The following SMAP1 variants were observed in gnomAD, a reference collection of about 807,000 sequenced individuals.
SMAP1 encodes the protein small ArfGAP 1.
A neutral mutation model predicts 58.5 loss-of-function variants in SMAP1; 24 were observed. That is an observed-to-expected ratio of 0.41 (90% CI 0.30 to 0.58). The LOEUF (loss-of-function observed/expected upper bound fraction) is 0.58. Among genes scored for constraint, SMAP1 ranks in the 20% least tolerant of loss-of-function variants. The probability of loss-of-function intolerance (pLI) is 0.29; values close to 1 mark genes in which losing one functional copy is unlikely to be tolerated. For missense variants in SMAP1, 563 were observed against 566.3 expected (o/e 0.99, Z 0.06); for synonymous variants, 216 against 196.6 (o/e 1.10, Z -0.82).
At chr6:70,760,093 T>G (rs758897353) in intron 3 of SMAP1, among the ~76,000 whole-genome samples, 3 of 152,100 alleles carry the variant, frequency 2.0e-5, no homozygotes, top group Non-Finnish European at 4.4e-5. Context: ...ATGATGGTAG[T>G]CTGAGTAAAA....
chr6:70,804,197 G>T (rs759116245), intron 6 of SMAP1, among the ~76,000 whole-genome samples: 11 of 152,126 alleles, frequency 7.2e-5, no homozygotes, highest in Non-Finnish European at 1.0e-4. Flanking sequence ...ATATATTTAG[G>T]ATAGTTAGCT....
chr6:70,670,429 G>A (rs1443253396), intron 1 of SMAP1, among the ~76,000 whole-genome samples: 1 of 152,130 alleles, frequency 6.6e-6, no homozygotes, highest in African/African-American at 2.4e-5. Context: ...ACATGATAGA[G>A]CAATTGATGT....
At chr6:70,790,037 C>G (rs939033320) in intron 4 of SMAP1, among the ~76,000 whole-genome samples, 3 of 152,154 alleles carry the variant, frequency 2.0e-5, no homozygotes, top group Admixed American at 6.5e-5. Flanking sequence ...TACTCAATGC[C>G]CGTATTATCC....
chr6:70,695,291 T>C (rs1767354937), intron 1 of SMAP1, among the ~76,000 whole-genome samples: 1 of 152,228 alleles, frequency 6.6e-6, no homozygotes, highest in South Asian at 2.1e-4. Context: ...GTCTGATTGC[T>C]CTAGCTAGAC....
chr6:70,758,491 G>A (rs1177875728), intron 3 of SMAP1, among the ~76,000 whole-genome samples: 1 of 151,696 alleles, frequency 6.6e-6, no homozygotes, highest in African/African-American at 2.4e-5. Flanking sequence ...TGCACATTGT[G>A]CACATGTACC....
At chr6:70,721,897 C>T (rs1207987758) in intron 1 of SMAP1, among the ~76,000 whole-genome samples, 1 of 152,182 alleles carries the variant, frequency 6.6e-6, no homozygotes, top group Non-Finnish European at 1.5e-5. Flanking sequence ...ATTCAATTAC[C>T]TTGCCCCGGA....
At chr6:70,795,477 C>T (rs967897898) in intron 5 of SMAP1, among the ~76,000 whole-genome samples, 2 of 152,166 alleles carry the variant, frequency 1.3e-5, no homozygotes, top group Admixed American at 6.5e-5. Context: ...GTTCATAAAA[C>T]GATACATCTT....
intron 7 of SMAP1, among the ~76,000 whole-genome samples, chr6:70,841,902 C>T (rs535741814): frequency 6.6e-6 from 1 of 152,274 alleles, no homozygotes; most frequent in Admixed American, 6.5e-5. Flanking sequence ...ACCTTTCAAA[C>T]AGAAGATTCC....
At chr6:70,806,551 C>T (rs943243657) in intron 6 of SMAP1, among the ~76,000 whole-genome samples, 3 of 152,146 alleles carry the variant, frequency 2.0e-5, no homozygotes, top group Non-Finnish European at 2.9e-5. Context: ...CCAGGTACCT[C>T]AGTTGGAAAT....
At chr6:70,735,016 T>G (rs559403697) in intron 2 of SMAP1, 1 of 153,032 alleles carries the variant, frequency 6.5e-6, no homozygotes, top group African/African-American at 2.4e-5. Context: ...TACTGGTGAG[T>G]GTCTGGAAGT....
At position 70,855,050 on chromosome 6, in the gene SMAP1, TCATATACATATACATATA is replaced by T. The variant is rs369822474; in HGVS notation, c.790-1765_790-1748del. Among the ~76,000 whole-genome samples the T allele has an allele frequency of 8.2e-4, 102 of 124,426 alleles. 1 individual carries two copies. The highest frequency in any genetic ancestry group is 7.7e-3 in the East Asian group (32 of 4,144). 81.6% of individuals were successfully genotyped at this position (124,426 alleles called of 152,430 possible). A position where few individuals can be genotyped will look rare whatever the true frequency, so the allele number is the denominator to read the frequency against. ...ATGGAGAAACCCCTTTCCTGTTCTT[TCATATACATATACATATA>T]CATATACATATACATATACATATAC... On this transcript the variant is annotated intron_variant, in intron 8 of 10. Coordinates refer to ENST00000370455, the MANE Select transcript of SMAP1 (RefSeq NM_001044305.3).
chr6:70,717,362 G>A (rs1387371479), intron 1 of SMAP1, among the ~76,000 whole-genome samples: 1 of 152,146 alleles, frequency 6.6e-6, no homozygotes, highest in African/African-American at 2.4e-5. Flanking sequence ...TTGCTCTTAG[G>A]GCTAGGTGAT....
intron 3 of SMAP1, 94 bp from the exon 4 acceptor site, chr6:70,773,256 T>C: frequency 1.4e-6 from 1 of 708,946 alleles, no homozygotes. Context: ...GTAGGAAAAT[T>C]AAATTTAGAG....
chr6:70,685,957 G>GT (rs758011670), intron 1 of SMAP1, among the ~76,000 whole-genome samples: 18 of 152,156 alleles, frequency 1.2e-4, no homozygotes, highest in Non-Finnish European at 2.1e-4. Context: ...CCAGGCTGGA[G>GT]TGTAGTGGCA....
At chr6:70,688,968 A>G (rs1303714436) in intron 1 of SMAP1, among the ~76,000 whole-genome samples, 1 of 151,782 alleles carries the variant, frequency 6.6e-6, no homozygotes, top group Non-Finnish European at 1.5e-5. Context: ...CAAGGTATGG[A>G]TCAAAGTTTT....
chr6:70,729,475 GTGTGTGTGTGTGTGTGTGTA>G (rs1765336229), intron 1 of SMAP1, among the ~76,000 whole-genome samples: 1 of 150,546 alleles, frequency 6.6e-6, no homozygotes, highest in South Asian at 2.1e-4. Flanking sequence ...GTGTGTGTGT[GTGTGTGTGTGTGTGTGTGTA>G]TGTGTGTATG....
At chr6:70,771,597 C>T (rs140623447) in intron 3 of SMAP1, among the ~76,000 whole-genome samples, 3,573 of 152,262 alleles carry the variant, frequency 0.023, 52 homozygotes, top group Non-Finnish European at 0.037. Flanking sequence ...TTTTTAAGCC[C>T]GTCGGAAAAG....
At chr6:70,791,150 T>C (rs1020771744) in intron 4 of SMAP1, among the ~76,000 whole-genome samples, 1 of 152,254 alleles carries the variant, frequency 6.6e-6, no homozygotes, top group Admixed American at 6.5e-5. Context: ...TCAGCTGTTA[T>C]ATTACATTAA....
intron 1 of SMAP1, among the ~76,000 whole-genome samples, chr6:70,703,141 G>A (rs1475020813): frequency 1.3e-5 from 2 of 151,824 alleles, no homozygotes; most frequent in Non-Finnish European, 2.9e-5. Context: ...TCAGTGACAC[G>A]ATATGGCTGA....
Sources: gnomAD v4.1 joint callset for allele counts (sites outside exome capture counted in the v4.1 genomes callset) on GRCh38, gnomAD v4.1.1 for gene constraint, MANE v1.5 for transcripts, NCBI Gene and HGNC (gene_info 2026-07-23, HGNC 2026-07-21) for gene names.